The following DNAAF11 variants were observed in gnomAD, a reference collection of about 807,000 sequenced individuals.
The protein encoded by DNAAF11 is dynein axonemal assembly factor 11.
A neutral mutation model predicts 60.8 loss-of-function variants in DNAAF11; 45 were observed. The observed-to-expected ratio is 0.74, with a 90% CI of 0.58 to 0.95. The LOEUF is 0.95. Ranked by LOEUF, DNAAF11 falls within the 40% of genes least tolerant of loss-of-function variation. DNAAF11 has a pLI of 0.00. For synonymous variants in DNAAF11, 191 were observed against 183.5 expected, an observed-to-expected ratio of 1.04 and a Z score of -0.33; for missense variants, 546 against 546.2, an observed-to-expected ratio of 1.00 and a Z score of 0.00.
chr8:132,620,924 G>A lies in DNAAF11; in HGVS notation c.914+1687C>T, dbSNP rs28608089. ...AGAAGTGAGCCGGTTGGGGAACTGA[G>A]AGGCCAGGGCTTCTGGTGGATCACC... On this transcript the variant is annotated intron_variant, in intron 7 of 11. Coordinates refer to ENST00000620350, the MANE Select transcript of DNAAF11 (RefSeq NM_012472.6). Among the ~76,000 whole-genome samples, 1,096 of 152,290 alleles carry A rather than the reference G, an allele frequency of 7.2e-3. 9 individuals carry two copies. The Middle Eastern group carries it at 0.088, about 12-fold the overall frequency.
chr8:132,691,579 C>T, the DNAAF11 span, among the ~76,000 whole-genome samples: 1 of 152,176 alleles, frequency 6.6e-6, no homozygotes, highest in Non-Finnish European at 1.5e-5. Flanking sequence ...TTCTGCATGG[C>T]TGGGGAGGCC....
chr8:132,598,511 T>C (rs1284515263), intron 10 of DNAAF11, among the ~76,000 whole-genome samples: 1 of 152,222 alleles, frequency 6.6e-6, no homozygotes. Flanking sequence ...TATATGAATG[T>C]AGGTGGTAAA....
chr8:132,631,871 T>G (rs796693203), intron 5 of DNAAF11, among the ~76,000 whole-genome samples: 4 of 151,168 alleles, frequency 2.6e-5, no homozygotes, highest in Non-Finnish European at 4.4e-5. Flanking sequence ...GTTGTGGGGT[T>G]GGGGGAGTGG....
At chr8:132,603,061 A>T (rs1817789522) in intron 10 of DNAAF11, among the ~76,000 whole-genome samples, 1 of 152,096 alleles carries the variant, frequency 6.6e-6, no homozygotes, top group Non-Finnish European at 1.5e-5. Context: ...GGCTCTGGAC[A>T]TTAGTTGTTT....
intron 4 of DNAAF11, among the ~76,000 whole-genome samples, chr8:132,633,940 A>T (rs1821046363): frequency 6.6e-6 from 1 of 152,130 alleles, no homozygotes; most frequent in Admixed American, 6.6e-5. Flanking sequence ...CAGTGAAACC[A>T]TTTCAGGCTT....
chr8:132,604,069 A>G (rs986072149), intron 10 of DNAAF11, among the ~76,000 whole-genome samples: 3 of 152,180 alleles, frequency 2.0e-5, no homozygotes, highest in African/African-American at 7.2e-5. Flanking sequence ...TTTTTCAGTT[A>G]GAAATTTCAG....
At chr8:132,658,385 C>T (rs1025586030) in intron 2 of DNAAF11, among the ~76,000 whole-genome samples, 2 of 152,028 alleles carry the variant, frequency 1.3e-5, no homozygotes, top group Non-Finnish European at 2.9e-5. Context: ...TGCAGTGGCC[C>T]AATCTCAGCT....
the DNAAF11 span, among the ~76,000 whole-genome samples, chr8:132,684,588 A>C: frequency 1.3e-5 from 2 of 152,202 alleles, no homozygotes; most frequent in African/African-American, 4.8e-5. Flanking sequence ...GAGTCTGCTT[A>C]GCACCTGCCC....
At chr8:132,675,338 G>C in intron 1 of DNAAF11, 146 bp downstream of exon 1, 1 of 797,602 alleles carries the variant, frequency 1.3e-6, no homozygotes, top group Non-Finnish European at 2.0e-6. Context: ...CGGGGCTGCG[G>C]TGCGGAGGGC....
chr8:132,629,600 G>C (rs1450299788), intron 5 of DNAAF11, among the ~76,000 whole-genome samples: 1 of 152,022 alleles, frequency 6.6e-6, no homozygotes, highest in Non-Finnish European at 1.5e-5. Context: ...GCCCATCTCA[G>C]CCTCCCAAAG....
chr8:132,698,257 C>T, the DNAAF11 span, among the ~76,000 whole-genome samples: 1 of 152,196 alleles, frequency 6.6e-6, no homozygotes, highest in South Asian at 2.1e-4. Context: ...AAGCTCTTAT[C>T]CTCATATACT....
upstream of DNAAF11, among the ~76,000 whole-genome samples, chr8:132,677,908 A>G (rs868435713): frequency 5.3e-5 from 8 of 152,214 alleles, no homozygotes; most frequent in South Asian, 4.1e-4. Context: ...AATCCCTTTT[A>G]TAAGGGCATC....
chr8:132,660,280 GGTTA>G (rs562689714), intron 2 of DNAAF11, among the ~76,000 whole-genome samples: 230 of 152,166 alleles, frequency 1.5e-3, no homozygotes, highest in African/African-American at 5.3e-3. Flanking sequence ...ACATTGTGCA[GGTTA>G]GTTACATATG....
chr8:132,643,587 A>C (rs1404661994), intron 3 of DNAAF11: 2 of 454,986 alleles, frequency 4.4e-6, no homozygotes, highest in Non-Finnish European at 8.8e-6. Flanking sequence ...ATGTCATATG[A>C]AAATACACGG....
At position 132,611,282 on chromosome 8, in the gene DNAAF11, G is replaced by A. The variant is rs564023548; in HGVS notation, c.1044+12C>T. The A allele has an allele frequency of 1.9e-6, 3 of 1,592,098 alleles. No homozygotes were observed. Among genetic ancestry groups the A allele is most frequent in the Non-Finnish European group, 2.6e-6 (3 of 1,160,562 alleles). ...CTTTTGAAATTGTAATAGCCTACAG[G>A]GTTCTACTTACCTTTCCTTTGATCA... On this transcript the variant is annotated intron_variant, in intron 9 of 11. Coordinates refer to ENST00000620350, the MANE Select transcript of DNAAF11 (RefSeq NM_012472.6).
intron 1 of DNAAF11, among the ~76,000 whole-genome samples, chr8:132,669,403 T>G (rs1329964377): frequency 1.3e-5 from 2 of 152,200 alleles, no homozygotes; most frequent in Admixed American, 1.3e-4. Context: ...CTTGCACTGG[T>G]GTTGAACAGA....
intron 3 of DNAAF11, among the ~76,000 whole-genome samples, chr8:132,649,493 C>A (rs1439259731): frequency 1.3e-5 from 2 of 152,086 alleles, no homozygotes; most frequent in Non-Finnish European, 2.9e-5. Context: ...AAAGCAATGG[C>A]AACAAAAGCC....
rs1021096082 is a variant in DNAAF11 at position 132,588,249 on chromosome 8, G to A, written c.1141-4470C>T. 3.9e-5 allele frequency among the ~76,000 whole-genome samples: 6 copies of A among 152,132 alleles called. 1 individual carries two copies. The South Asian group carries it at 1.2e-3, about 32-fold the overall frequency. On this transcript the variant is annotated intron_variant, in intron 10 of 11. Transcript: ENST00000620350. Reference sequence around the variant, plus strand: ...AAACATGCTACTTGTAAATTAAGAGGGAATGAACAAAGGAAATGAATGTAA... The same window carrying A: ...AAACATGCTACTTGTAAATTAAGAGAGAATGAACAAAGGAAATGAATGTAA...
At chr8:132,587,848 G>A (rs1175813269) in intron 10 of DNAAF11, among the ~76,000 whole-genome samples, 1 of 152,106 alleles carries the variant, frequency 6.6e-6, no homozygotes, top group Non-Finnish European at 1.5e-5. Context: ...GAACACAGAG[G>A]CAGTACGAGA....
Sources: gnomAD v4.1 joint callset for allele counts (sites outside exome capture counted in the v4.1 genomes callset) on GRCh38, gnomAD v4.1.1 for gene constraint, MANE v1.5 for transcripts, NCBI Gene and HGNC (gene_info 2026-07-23, HGNC 2026-07-21) for gene names.